Variants in STK3 observed in about 807,000 individuals in gnomAD.
STK3 encodes the protein serine/threonine kinase 3, also known as serine/threonine-protein kinase 3.
STK3 carries 41 observed loss-of-function variants against 58.0 expected under a neutral mutation model. That is an observed-to-expected ratio of 0.71 (90% CI 0.55 to 0.92). STK3 has a LOEUF of 0.92. Ranked by LOEUF, STK3 falls within the 40% of genes least tolerant of loss-of-function variation. The pLI, the probability that STK3 is intolerant of heterozygous loss-of-function variation, is 0.00. For synonymous variants in STK3, 170 were observed against 191.0 expected, an observed-to-expected ratio of 0.89 and a Z score of 0.91; for missense variants, 479 against 602.7, an observed-to-expected ratio of 0.79 and a Z score of 2.15.
At chr8:98,612,085 T>C (rs983359238) in intron 6 of STK3, among the ~76,000 whole-genome samples, 4 of 149,502 alleles carry the variant, frequency 2.7e-5, no homozygotes, top group Non-Finnish European at 5.9e-5. Flanking sequence ...TATAAATATA[T>C]ATGTGTATGT....
Position 98,807,140 on chromosome 8 carries a change from G to A in STK3, c.26+18375C>T, listed in dbSNP as rs528827034. On this transcript the variant is annotated intron_variant, in intron 1 of 10. Transcript: ENST00000419617. Reference sequence around the variant, plus strand: ...CTGCACTCCAGCCTGGGCGACAAGCGAGACTCCGTCTCAAAAAAAAAAAAA... The same window carrying A: ...CTGCACTCCAGCCTGGGCGACAAGCAAGACTCCGTCTCAAAAAAAAAAAAA... Among the ~76,000 whole-genome samples the A allele has an allele frequency of 2.1e-3, 293 of 137,884 alleles. 1 individual carries two copies. The highest frequency in any genetic ancestry group is 7.7e-3 in the African/African-American group (277 of 35,746). 90.5% of individuals were successfully genotyped at this position (137,884 alleles called of 152,430 possible).
At chr8:98,486,388 A>G (rs1411370138) in intron 10 of STK3, among the ~76,000 whole-genome samples, 1 of 152,258 alleles carries the variant, frequency 6.6e-6, no homozygotes, top group Non-Finnish European at 1.5e-5. Flanking sequence ...GACCTATATT[A>G]GGAGTAAGAT....
chr8:98,767,438 A>G, intron 2 of STK3, 67 bp from the exon 3 acceptor site: 4 of 1,428,568 alleles, frequency 2.8e-6, no homozygotes, highest in South Asian at 1.4e-5. Context: ...AAAGTCTACT[A>G]TGAGTTTTCT....
intron 1 of STK3, among the ~76,000 whole-genome samples, chr8:98,895,780 G>T (rs1838421318): frequency 6.6e-6 from 1 of 152,108 alleles, no homozygotes; most frequent in Admixed American, 6.6e-5. Flanking sequence ...GATCTTTCAG[G>T]TATGTGAAAT....
chr8:98,429,127 G>A, intron 3 of STK3: 1 of 1,613,260 alleles, frequency 6.2e-7, no homozygotes, highest in Non-Finnish European at 8.5e-7. Context: ...GTGGTCCCAG[G>A]GACCACGGCA....
chr8:98,506,874 A>G (rs1824126420), intron 10 of STK3, among the ~76,000 whole-genome samples: 1 of 152,208 alleles, frequency 6.6e-6, no homozygotes, highest in Non-Finnish European at 1.5e-5. Context: ...AAATTTCCCC[A>G]GAGAAGGTGT....
chr8:98,361,724 G>C, the STK3 span, among the ~76,000 whole-genome samples: 1 of 152,124 alleles, frequency 6.6e-6, no homozygotes, highest in Non-Finnish European at 1.5e-5. Flanking sequence ...TATTTCATTG[G>C]GACACTGGAT....
chr8:98,891,838 T>C (rs528637733), intron 1 of STK3, among the ~76,000 whole-genome samples: 1 of 152,174 alleles, frequency 6.6e-6, no homozygotes, highest in South Asian at 2.1e-4. Context: ...TGGACTCAAG[T>C]CATCATCTAT....
intron 1 of STK3, among the ~76,000 whole-genome samples, chr8:98,824,032 T>C (rs1835084019): frequency 6.6e-6 from 1 of 152,196 alleles, no homozygotes; most frequent in African/African-American, 2.4e-5. Flanking sequence ...ATGCCTATAA[T>C]CCAATCTACT....
chr8:98,822,535 T>C (rs1834975514), intron 1 of STK3, among the ~76,000 whole-genome samples: 2 of 152,198 alleles, frequency 1.3e-5, no homozygotes, highest in South Asian at 4.1e-4. Context: ...AGATGGTATA[T>C]AATCAAATGT....
Position 98,698,770 on chromosome 8 carries a change from G to A in STK3, c.684+7697C>T, listed in dbSNP as rs199879018. Among the ~76,000 whole-genome samples, 7 of 152,188 alleles carry A rather than the reference G, an allele frequency of 4.6e-5. No individual in the cohort carries two copies. The East Asian group carries it at 5.8e-4, about 13-fold the overall frequency. On this transcript the variant is annotated intron_variant, in intron 6 of 10. Coordinates refer to ENST00000419617, the MANE Select transcript of STK3 (RefSeq NM_006281.4). ...ATGGGCTTCCCTTTGTGGGTAACCC[G>A]ACCTTTCTCTCTGGCTGCCCTTAAC...
intron 6 of STK3, among the ~76,000 whole-genome samples, chr8:98,609,981 A>G (rs79861073): frequency 6.6e-6 from 1 of 151,990 alleles, no homozygotes; most frequent in Admixed American, 6.6e-5. Context: ...AAAAAAAAAA[A>G]GAAATAATTG....
intron 6 of STK3, among the ~76,000 whole-genome samples, chr8:98,669,361 G>A (rs1822632521): frequency 6.6e-6 from 1 of 152,054 alleles, no homozygotes; most frequent in African/African-American, 2.4e-5. Context: ...TATTGTTCTA[G>A]TGGGTATTGT....
chr8:98,653,572 T>G (rs1217700521), intron 6 of STK3, among the ~76,000 whole-genome samples: 1 of 151,894 alleles, frequency 6.6e-6, no homozygotes, highest in Non-Finnish European at 1.5e-5. Flanking sequence ...TCAACAAAAT[T>G]GATAGACCAC....
chr8:98,475,762 G>C (rs1245506589), intron 10 of STK3, among the ~76,000 whole-genome samples: 1 of 152,178 alleles, frequency 6.6e-6, no homozygotes, highest in Non-Finnish European at 1.5e-5. Context: ...AAAACTTTGA[G>C]AATTATAAAT....
intron 1 of STK3, among the ~76,000 whole-genome samples, chr8:98,910,716 T>C (rs145385757): frequency 3.6e-4 from 55 of 152,352 alleles, no homozygotes; most frequent in African/African-American, 1.3e-3. Flanking sequence ...ATTGCAGTGT[T>C]AAATGACATC....
chr8:98,374,371 T>C (rs1358780394), intron 2 of STK3, among the ~76,000 whole-genome samples: 1 of 152,190 alleles, frequency 6.6e-6, no homozygotes, highest in African/African-American at 2.4e-5. Context: ...CTTTACAGAA[T>C]GGAAAGCCAA....
chr8:98,883,540 A>G (rs1044920620), downstream of STK3: 4 of 597,480 alleles, frequency 6.7e-6, no homozygotes, highest in Non-Finnish European at 1.2e-5. Flanking sequence ...TCAATTTAAC[A>G]TAAATAAAAA....
chr8:98,740,511 G>A (rs1333988309), intron 4 of STK3, among the ~76,000 whole-genome samples: 3 of 152,088 alleles, frequency 2.0e-5, no homozygotes, highest in Non-Finnish European at 4.4e-5. Flanking sequence ...ATAAGTGAAG[G>A]AGAAATAAAA....
Sources: allele counts gnomAD v4.1 joint callset (sites outside exome capture counted in the v4.1 genomes callset), GRCh38; gene constraint gnomAD v4.1.1; transcripts MANE v1.5; gene names NCBI Gene and HGNC (gene_info 2026-07-23, HGNC 2026-07-21).